Variants in REC114 observed in about 807,000 individuals in gnomAD.
REC114 encodes meiotic recombination protein REC114.
A neutral mutation model predicts 31.3 loss-of-function variants in REC114; 27 were observed. That is an observed-to-expected ratio of 0.86 (90% CI 0.64 to 1.19). The LOEUF is 1.19. REC114 is among the 50% of genes most tolerant of loss of function. The pLI is 0.00. For synonymous variants in REC114, 134 were observed against 127.7 expected (o/e 1.05, Z -0.33); for missense variants, 344 against 326.9 (o/e 1.05, Z -0.40).
In REC114 at chr15:73,551,039, C is replaced by T. The variant is rs758784291; in HGVS notation, c.435C>T (p.Thr145=). The stretch of plus-strand genomic sequence containing the variant: ...TTCAGAAGCTGGCACAATACATAAC[C>T]GTGCAGGTGCCTGATGGAAACATCC... The part of the protein sequence containing the change: ...SCVQKLAQYI[T]VQVPDGNIQE... The change falls in exon 4 of 6, where the codon ACC becomes ACT. Residue 145 remains threonine, a synonymous_variant. Transcript: ENST00000331090. 3.2e-5 allele frequency: 52 copies of T among 1,613,754 alleles called. No individual in the cohort carries two copies. In the Admixed American group the frequency reaches 7.5e-4, roughly 23 times the overall value.
intron 2 of REC114, among the ~76,000 whole-genome samples, chr15:73,532,499 C>G: frequency 6.6e-6 from 1 of 150,958 alleles, no homozygotes; most frequent in Non-Finnish European, 1.5e-5. Flanking sequence ...GGTATATACC[C>G]AGTAATGGGA....
At chr15:73,559,604 T>C (rs1894541708) in intron 5 of REC114, 148 bp from the exon 6 acceptor site, 1 of 560,772 alleles carries the variant, frequency 1.8e-6, no homozygotes, top group Non-Finnish European at 2.9e-6. Flanking sequence ...AGTAAAACTA[T>C]GTAAAGGAAG....
In REC114 at chr15:73,530,412, A is replaced by C. The variant is rs1267969152; in HGVS notation, c.250-10073A>C. Among the ~76,000 whole-genome samples the C allele has an allele frequency of 2.0e-5, 3 of 152,282 alleles. No individual in the cohort carries two copies. In the East Asian group the frequency reaches 5.8e-4, roughly 29 times the overall value. ...TGTGGTGGCTTATGCCTATAATCCC[A>C]TCACTTTGGGAGGCCCAGGCTGGAA... On this transcript the variant is annotated intron_variant, in intron 2 of 5. Transcript: ENST00000331090.
intron 1 of REC114, among the ~76,000 whole-genome samples, chr15:73,455,610 A>C (rs1240699878): frequency 6.6e-6 from 1 of 152,210 alleles, no homozygotes; most frequent in African/African-American, 2.4e-5. Flanking sequence ...TATGTATAAA[A>C]TATCTAATAT....
At position 73,474,680 on chromosome 15, in the gene REC114, G is replaced by T. The variant is rs1489958662; in HGVS notation, c.249+759G>T. Among the ~76,000 whole-genome samples, 5 of 152,082 alleles carry T rather than the reference G, an allele frequency of 3.3e-5. No individual in the cohort carries two copies. In the East Asian group the frequency reaches 9.6e-4, roughly 29 times the overall value. ...TGCTAGGCATTTTAGGGGATGCTAG[G>T]GATATAGCAGTGAACAGTGAAGACA... On this transcript the variant is annotated intron_variant, in intron 2 of 5. Coordinates refer to ENST00000331090, the MANE Select transcript of REC114 (RefSeq NM_001042367.2).
chr15:73,479,478 A>G (rs1002022727), intron 2 of REC114, among the ~76,000 whole-genome samples: 1 of 152,126 alleles, frequency 6.6e-6, no homozygotes, highest in Non-Finnish European at 1.5e-5. Context: ...GATTTCAAAT[A>G]TACAATATAG....
At chr15:73,527,676 T>G (rs1489524745) in intron 2 of REC114, among the ~76,000 whole-genome samples, 2 of 152,238 alleles carry the variant, frequency 1.3e-5, no homozygotes, top group Non-Finnish European at 2.9e-5. Context: ...TATTCCCTGT[T>G]GGTCAGAAAT....
intron 2 of REC114, among the ~76,000 whole-genome samples, chr15:73,505,178 T>C (rs779917146): frequency 6.6e-6 from 1 of 152,230 alleles, no homozygotes; most frequent in Non-Finnish European, 1.5e-5. Flanking sequence ...GTCAGTGCCC[T>C]GTAAATGTTT....
At chr15:73,528,966 G>A (rs1008405919) in intron 2 of REC114, among the ~76,000 whole-genome samples, 1 of 152,002 alleles carries the variant, frequency 6.6e-6, no homozygotes, top group African/African-American at 2.4e-5. Flanking sequence ...ACCTTATTTG[G>A]ATCCCTATTC....
At chr15:73,511,464 G>A (rs1893768374) in intron 2 of REC114, among the ~76,000 whole-genome samples, 2 of 152,014 alleles carry the variant, frequency 1.3e-5, no homozygotes, top group Non-Finnish European at 2.9e-5. Context: ...TCTGATTTTA[G>A]TTATTTCTTG....
chr15:73,547,721 C>A lies in REC114; in HGVS notation c.334-3217C>A, dbSNP rs1894329380. Among the ~76,000 whole-genome samples the A allele has an allele frequency of 3.9e-5, 6 of 152,224 alleles. No homozygotes were observed. In the South Asian group the frequency reaches 1.2e-3, roughly 32 times the overall value. ...GAGTACTATTCAGCCATAAAATAGC[C>A]ATACACAGAATGGGTATAACTGGCT... On this transcript the variant is annotated intron_variant, in intron 3 of 5. Coordinates refer to ENST00000331090, the MANE Select transcript of REC114 (RefSeq NM_001042367.2).
At chr15:73,518,348 C>A (rs780371599) in intron 2 of REC114, among the ~76,000 whole-genome samples, 1 of 152,214 alleles carries the variant, frequency 6.6e-6, no homozygotes, top group African/African-American at 2.4e-5. Context: ...GTGTCTCTCC[C>A]TGTCTCTGCC....
In REC114 at chr15:73,506,997, A is replaced by G. The variant is rs545712530; in HGVS notation, c.249+33076A>G. ...TAAGATAGAAATGCTCAGAATCTGT[A>G]AAAGAAAAGATTGATAAAGCTTGCT... On this transcript the variant is annotated intron_variant, in intron 2 of 5. Transcript: ENST00000331090. Among the ~76,000 whole-genome samples, 531 of 152,324 alleles carry G rather than the reference A, an allele frequency of 3.5e-3. 3 individuals are homozygous for G. The highest frequency in any genetic ancestry group is 0.012 in the African/African-American group (481 of 41,590).
intron 2 of REC114, among the ~76,000 whole-genome samples, chr15:73,508,419 GTTTC>G (rs1031067848): frequency 9.8e-5 from 14 of 142,886 alleles, no homozygotes; most frequent in African/African-American, 2.3e-4. Flanking sequence ...CCGCAGCACA[GTTTC>G]TTTTTTTTTT....
intron 2 of REC114, among the ~76,000 whole-genome samples, chr15:73,492,490 G>C (rs1893459971): frequency 6.6e-6 from 1 of 152,056 alleles, no homozygotes; most frequent in Non-Finnish European, 1.5e-5. Flanking sequence ...TGTTTTTGTT[G>C]GGCATACAAC....
At chr15:73,525,297 GATT>G (rs1030088411) in intron 2 of REC114, among the ~76,000 whole-genome samples, 7 of 151,992 alleles carry the variant, frequency 4.6e-5, no homozygotes, top group Non-Finnish European at 8.8e-5. Flanking sequence ...TCTAGATAGA[GATT>G]ATTATTTTTT....
At chr15:73,535,332 T>A (rs1249393173) in intron 2 of REC114, among the ~76,000 whole-genome samples, 1 of 152,102 alleles carries the variant, frequency 6.6e-6, no homozygotes. Flanking sequence ...TTCAGCAAAG[T>A]CTCAGGATAC....
intron 2 of REC114, among the ~76,000 whole-genome samples, chr15:73,520,004 G>T (rs1893913283): frequency 1.3e-5 from 2 of 152,170 alleles, no homozygotes; most frequent in African/African-American, 4.8e-5. Context: ...GATGGGTATA[G>T]AATATTAGTT....
In REC114 at chr15:73,538,745, G is replaced by A. The variant is rs1256260856; in HGVS notation, c.250-1740G>A. On this transcript the variant is annotated intron_variant, in intron 2 of 5. Transcript: ENST00000331090. Reference sequence around the variant, plus strand: ...GCTGGAATTACAGGCGTGAGCCACCGCACCTGGCTCAAATTCTATTTCTAC... The same window carrying A: ...GCTGGAATTACAGGCGTGAGCCACCACACCTGGCTCAAATTCTATTTCTAC... Among the ~76,000 whole-genome samples the A allele has an allele frequency of 7.2e-5, 11 of 152,084 alleles. No homozygotes were observed. In the East Asian group the frequency reaches 1.4e-3, roughly 19 times the overall value.
Sources: gnomAD v4.1 joint callset for allele counts (sites outside exome capture counted in the v4.1 genomes callset) on GRCh38, gnomAD v4.1.1 for gene constraint, MANE v1.5 for transcripts, NCBI Gene and HGNC (gene_info 2026-07-23, HGNC 2026-07-21) for gene names.